Variants in OLFM3 observed in about 807,000 individuals in gnomAD.
OLFM3 encodes the protein olfactomedin 3.
A neutral mutation model predicts 48.6 loss-of-function variants in OLFM3; 20 were observed. The observed-to-expected ratio is 0.41, with a 90% confidence interval of 0.29 to 0.60. The LOEUF (loss-of-function observed/expected upper bound fraction) is 0.60. Among genes scored for constraint, OLFM3 ranks in the 20% least tolerant of loss-of-function variants. OLFM3 has a pLI of 0.28. For synonymous variants in OLFM3, 222 were observed against 198.1 expected (o/e 1.12, Z -1.01); for missense variants, 437 against 544.3 (o/e 0.80, Z 1.96).
At chr1:101,924,147 A>G (rs1659188089) in intron 1 of OLFM3, among the ~76,000 whole-genome samples, 1 of 152,178 alleles carries the variant, frequency 6.6e-6, no homozygotes, top group Non-Finnish European at 1.5e-5. Flanking sequence ...AAAATGAACC[A>G]GCTTCGTTAA....
intron 1 of OLFM3, among the ~76,000 whole-genome samples, chr1:101,852,618 G>A (rs924988407): frequency 4.6e-5 from 7 of 152,152 alleles, no homozygotes; most frequent in African/African-American, 1.7e-4. Flanking sequence ...CTCCACTTCA[G>A]TGTTTAACAG....
chr1:101,846,852 T>C lies in OLFM3; in HGVS notation c.70-9827A>G, dbSNP rs1656018052. 3 of 1,611,728 alleles carry C rather than the reference T, an allele frequency of 1.9e-6. No individual in the cohort carries two copies. In the East Asian group the frequency reaches 6.7e-5, roughly 36 times the overall value. On this transcript the variant is annotated intron_variant, in intron 1 of 5. Transcript: ENST00000370103. The stretch of plus-strand genomic sequence containing the variant: ...CCCACCGCAGTAACTTACTAAGGTA[T>C]CCGGAGTCGACAGCCTCGTGGTGTT...
At chr1:101,817,106 C>A (rs959633351) in intron 4 of OLFM3, among the ~76,000 whole-genome samples, 5 of 152,080 alleles carry the variant, frequency 3.3e-5, no homozygotes, top group Admixed American at 1.3e-4. Flanking sequence ...CAATAAGAGT[C>A]ATTTTTTACT....
At position 101,804,360 on chromosome 1, in the gene OLFM3, A is replaced by G. The variant is rs146272537; in HGVS notation, c.1255T>C (p.Phe419Leu). The part of the protein sequence containing the change: ...YTDIPFHNQY[F>L]HISMLDYNAR... ...TTGTAGTCAAGCATGGATATGTGAA[A>G]GTATTGGTTATGGAAGGGAATGTCT... Residue 419 changes from phenylalanine to leucine, a missense_variant, in exon 6 of 6, where the codon TTT becomes CTT. Around this residue, in one of 3 missense-constraint regions of OLFM3, gnomAD observed 108 missense variants for 135.8 expected, o/e 0.80. Coordinates refer to ENST00000370103, the MANE Select transcript of OLFM3 (RefSeq NM_058170.4). This position sits in a 1 kb window ranked among gnomAD's most constrained non-coding sequence, Gnocchi z 4.5. 5.1e-4 allele frequency: 826 copies of G among 1,612,424 alleles called. No homozygotes were observed. The highest frequency in any genetic ancestry group is 6.7e-4 in the Non-Finnish European group (793 of 1,178,960).
At chr1:101,960,845 T>C (rs748604911) in intron 1 of OLFM3, among the ~76,000 whole-genome samples, 14 of 152,162 alleles carry the variant, frequency 9.2e-5, no homozygotes, top group African/African-American at 3.4e-4. Context: ...TTAACCACTC[T>C]GCTTCAATTC....
rs779738676 is a variant in OLFM3 at position 101,804,820 on chromosome 1, G to A, written c.795C>T (p.Asn265=). Residue 265 remains asparagine (N), a synonymous_variant, in exon 6 of 6, where the codon AAC becomes AAT. Coordinates refer to ENST00000370103, the MANE Select transcript of OLFM3 (RefSeq NM_058170.4). The surrounding 1 kb of genome is among the most constrained non-coding windows in gnomAD (Gnocchi z 4.5). ...TAGTTCCTGCCCACTTGAAAGGAAG[G>A]TTGTATGTCCTTGATTCAGCCCCAC... ...FVSGAESRTY[N]LPFKWAGTNH... is the part of the protein sequence containing the mutation. 2 of 1,612,378 alleles carry A rather than the reference G, an allele frequency of 1.2e-6. No homozygotes were observed. Among genetic ancestry groups the A allele is most frequent in the Non-Finnish European group, 1.7e-6 (2 of 1,179,006 alleles).
At chr1:101,817,333 A>C (rs1654379283) in intron 4 of OLFM3, among the ~76,000 whole-genome samples, 1 of 152,288 alleles carries the variant, frequency 6.6e-6, no homozygotes, top group South Asian at 2.1e-4. Flanking sequence ...GCAGTAAGAT[A>C]TGAAAACATT....
chr1:101,881,185 A>G (rs1435938201), intron 1 of OLFM3, among the ~76,000 whole-genome samples: 1 of 151,864 alleles, frequency 6.6e-6, no homozygotes, highest in Non-Finnish European at 1.5e-5. Flanking sequence ...GACCTTTGTG[A>G]AGGTTTTTAT....
At chr1:101,850,705 C>T (rs907125057) in intron 1 of OLFM3, among the ~76,000 whole-genome samples, 3 of 152,102 alleles carry the variant, frequency 2.0e-5, no homozygotes, top group Admixed American at 6.6e-5. Context: ...GTAATTGTGA[C>T]CTAAAAGTTT....
intron 1 of OLFM3, among the ~76,000 whole-genome samples, chr1:101,983,925 GGAGAAGGAAAAAATT>G (rs1194029563): frequency 6.6e-6 from 1 of 152,108 alleles, no homozygotes; most frequent in Admixed American, 6.6e-5. Context: ...TGACAGCGAT[GGAGAAGGAAAAAATT>G]GAATCATAGT....
At chr1:101,886,000 A>G (rs1015854674) in intron 1 of OLFM3, among the ~76,000 whole-genome samples, 1 of 152,128 alleles carries the variant, frequency 6.6e-6, no homozygotes, top group African/African-American at 2.4e-5. Flanking sequence ...CAAAGGAAGA[A>G]GTGTGTAAAC....
rs796960684 is a variant in OLFM3, at chr1:101,810,665, A to C, written c.593-4483T>G. Among the ~76,000 whole-genome samples, 4 of 152,080 alleles carry C rather than the reference A, an allele frequency of 2.6e-5. No homozygotes were observed. In the South Asian group the frequency reaches 8.3e-4, roughly 31 times the overall value. Reference sequence around the variant, plus strand: ...AATGGAAGATGTGAATAGTTTGCAGAAGTGGAAACTGTGAATATTCTGCAT... The same window carrying C: ...AATGGAAGATGTGAATAGTTTGCAGCAGTGGAAACTGTGAATATTCTGCAT... On this transcript the variant is annotated intron_variant, in intron 4 of 5. Coordinates refer to ENST00000370103, the MANE Select transcript of OLFM3 (RefSeq NM_058170.4).
chr1:101,881,712 G>C (rs952647748), intron 1 of OLFM3, among the ~76,000 whole-genome samples: 3 of 151,464 alleles, frequency 2.0e-5, no homozygotes, highest in Non-Finnish European at 4.4e-5. Flanking sequence ...AGTTGAGTTG[G>C]CTCTCCCACA....
chr1:101,977,619 G>T (rs930504544), intron 1 of OLFM3, among the ~76,000 whole-genome samples: 1 of 152,088 alleles, frequency 6.6e-6, no homozygotes, highest in Admixed American at 6.5e-5. Context: ...AAAGAACAGA[G>T]ATGATCTGTA....
intron 1 of OLFM3, among the ~76,000 whole-genome samples, chr1:101,970,499 C>G (rs1010896027): frequency 2.0e-5 from 3 of 152,184 alleles, no homozygotes; most frequent in African/African-American, 7.2e-5. Context: ...CCTCCTTTCT[C>G]TAATCTTTTC....
At chr1:101,850,496 T>C (rs1471071576) in intron 1 of OLFM3, among the ~76,000 whole-genome samples, 1 of 152,108 alleles carries the variant, frequency 6.6e-6, no homozygotes, top group South Asian at 2.1e-4. Context: ...TTTCTTTTAT[T>C]TGTAGAACAA....
intron 1 of OLFM3, among the ~76,000 whole-genome samples, chr1:101,959,783 C>T (rs1660412733): frequency 6.6e-6 from 1 of 152,124 alleles, no homozygotes; most frequent in South Asian, 2.1e-4. Context: ...AGTGATTGGA[C>T]ATGACTTAAC....
At chr1:101,973,407 G>C (rs1449112836) in intron 1 of OLFM3, among the ~76,000 whole-genome samples, 1 of 152,158 alleles carries the variant, frequency 6.6e-6, no homozygotes, top group Non-Finnish European at 1.5e-5. Flanking sequence ...TCAAGGGATT[G>C]GACGAGGCTC....
rs186547436 is a variant in OLFM3, at chr1:101,910,018, A to G, written c.70-72993T>C. 2.4e-4 allele frequency: 233 copies of G among 985,112 alleles called. 2 individuals carry two copies. The Middle Eastern group carries it at 2.6e-3, about 11-fold the overall frequency. The allele number at this position is 985,112 out of a possible 1,614,324, so 61.0% of individuals were successfully genotyped here. ...CATCTTGCTTTATAATATTAAGGTT[A>G]TTTTTCCTCCTCCTCACCTTTCCCC... On this transcript the variant is annotated intron_variant, in intron 1 of 5. Coordinates refer to ENST00000370103, the MANE Select transcript of OLFM3 (RefSeq NM_058170.4).
Sources: gnomAD v4.1 joint callset for allele counts (sites outside exome capture counted in the v4.1 genomes callset) on GRCh38, gnomAD v4.1.1 for gene constraint, gnomAD v4.1.1 regional missense constraint, Gnocchi (gnomAD v3.1) non-coding constraint, MANE v1.5 for transcripts, NCBI Gene and HGNC (gene_info 2026-07-23, HGNC 2026-07-21) for gene names.